The following TPX2 variants were observed in gnomAD, a reference collection of about 807,000 sequenced individuals.
The protein encoded by TPX2 is targeting protein for Xklp2.
TPX2 carries 21 observed loss-of-function variants against 93.6 expected under a neutral mutation model. That is an observed-to-expected ratio of 0.22 (90% CI 0.16 to 0.32). The LOEUF (loss-of-function observed/expected upper bound fraction) is 0.32, where lower values mean the gene tolerates loss of function less well. Among genes scored for constraint, TPX2 ranks in the 10% least tolerant of loss-of-function variants. TPX2 has a pLI of 1.00. For missense variants in TPX2, 776 were observed against 871.1 expected (o/e 0.89, Z 1.37); for synonymous variants, 281 against 298.3 (o/e 0.94, Z 0.60).
At chr20:31,750,412 C>A (rs1332598134) in intron 2 of TPX2, among the ~76,000 whole-genome samples, 4 of 152,148 alleles carry the variant, frequency 2.6e-5, no homozygotes, top group Admixed American at 2.6e-4. Context: ...CCTTGGCCTC[C>A]CAAAGTGCTG....
At chr20:31,791,596 AG>A (rs2062101904) in intron 12 of TPX2, among the ~76,000 whole-genome samples, 1 of 152,206 alleles carries the variant, frequency 6.6e-6, no homozygotes, top group South Asian at 2.1e-4. Flanking sequence ...AAGAATTTTA[AG>A]TCAGGAAGTA....
At chr20:31,782,188 C>G (rs1331944191) in intron 10 of TPX2, 61 bp from the exon 11 acceptor site, 9 of 1,550,288 alleles carry the variant, frequency 5.8e-6, no homozygotes, top group East Asian at 2.3e-5. Context: ...AGGTGAATCA[C>G]CACTTACAAG....
At chr20:31,760,754 A>G (rs1415929193) in intron 4 of TPX2, among the ~76,000 whole-genome samples, 1 of 152,246 alleles carries the variant, frequency 6.6e-6, no homozygotes, top group African/African-American at 2.4e-5. Flanking sequence ...GAAATAAAAC[A>G]GCAAGAAAGA....
chr20:31,759,864 T>C (rs1248641089), intron 3 of TPX2, among the ~76,000 whole-genome samples, 193 bp from the exon 4 acceptor site: 1 of 152,024 alleles, frequency 6.6e-6, no homozygotes, highest in Admixed American at 6.6e-5. Context: ...TGCCAGTTTT[T>C]AGTGATTGTT....
intron 7 of TPX2, among the ~76,000 whole-genome samples, chr20:31,773,566 A>C (rs1044703334): frequency 6.6e-6 from 1 of 152,182 alleles, no homozygotes; most frequent in African/African-American, 2.4e-5. Flanking sequence ...TGCTGGGTAT[A>C]GGTGTGAGCC....
intron 12 of TPX2, among the ~76,000 whole-genome samples, chr20:31,789,279 A>G (rs2062085875): frequency 6.6e-6 from 1 of 151,832 alleles, no homozygotes; most frequent in Non-Finnish European, 1.5e-5. Flanking sequence ...TATATTATTC[A>G]CTCTGTATCC....
chr20:31,799,950 A>T (rs2062160173), intron 17 of TPX2, among the ~76,000 whole-genome samples: 1 of 151,762 alleles, frequency 6.6e-6, no homozygotes, highest in Admixed American at 6.6e-5. Context: ...GTTTTGTCTA[A>T]AAGTGCTATA....
intron 2 of TPX2, among the ~76,000 whole-genome samples, chr20:31,749,094 C>T (rs2061802236): frequency 6.6e-6 from 1 of 151,980 alleles, no homozygotes; most frequent in Admixed American, 6.6e-5. Flanking sequence ...TACAGGCATC[C>T]ACCACCACGC....
intron 5 of TPX2, among the ~76,000 whole-genome samples, chr20:31,767,957 G>C (rs1261544570): frequency 3.6e-5 from 5 of 139,430 alleles, no homozygotes; most frequent in African/African-American, 1.3e-4. Context: ...TTTGAGAGAG[G>C]GTCTTGCTCT....
chr20:31,776,105 G>T (rs1174410504), intron 8 of TPX2, 117 bp downstream of exon 8: 4 of 951,868 alleles, frequency 4.2e-6, no homozygotes, highest in South Asian at 7.9e-5. Context: ...ACGGAGTCTC[G>T]CTCTGTCGCC....
At chr20:31,766,909 C>T (rs1321863722) in intron 5 of TPX2, among the ~76,000 whole-genome samples, 2 of 147,234 alleles carry the variant, frequency 1.4e-5, no homozygotes, top group Admixed American at 1.4e-4. Flanking sequence ...TCAAGCAATT[C>T]TCCTGCCTCA....
chr20:31,747,417 C>T (rs1028856533), intron 2 of TPX2, among the ~76,000 whole-genome samples: 5 of 152,084 alleles, frequency 3.3e-5, no homozygotes, highest in Admixed American at 1.3e-4. Context: ...TGTGCCCGGC[C>T]GAGATTTTAT....
chr20:31,753,196 C>T (rs2061830208), intron 2 of TPX2, among the ~76,000 whole-genome samples: 1 of 152,172 alleles, frequency 6.6e-6, no homozygotes, highest in Non-Finnish European at 1.5e-5. Context: ...AGCTTAACTT[C>T]ATGAACACCC....
intron 16 of TPX2, among the ~76,000 whole-genome samples, 158 bp downstream of exon 16, chr20:31,797,673 T>C (rs1321741360): frequency 6.6e-6 from 1 of 152,182 alleles, no homozygotes; most frequent in East Asian, 1.9e-4. Context: ...TTTTTGCCTT[T>C]ATTGAACCCA....
intron 17 of TPX2, among the ~76,000 whole-genome samples, chr20:31,798,951 T>C (rs551769338): frequency 3.3e-5 from 5 of 152,342 alleles, no homozygotes; most frequent in African/African-American, 1.2e-4. Context: ...TAGGACTGTT[T>C]TTTATTTATT....
At chr20:31,773,528 G>A (rs986976349) in intron 7 of TPX2, among the ~76,000 whole-genome samples, 25 of 152,140 alleles carry the variant, frequency 1.6e-4, no homozygotes, top group African/African-American at 6.0e-4. Flanking sequence ...CTGACCTCAA[G>A]TGATCTGCCC....
At chr20:31,791,234 A>G (rs578091664) in intron 12 of TPX2, among the ~76,000 whole-genome samples, 32 of 152,304 alleles carry the variant, frequency 2.1e-4, no homozygotes, top group African/African-American at 7.7e-4. Context: ...GTGTTTCACG[A>G]AAAGGAATTT....
intron 2 of TPX2, among the ~76,000 whole-genome samples, chr20:31,750,231 C>T (rs1344555130): frequency 1.3e-5 from 2 of 151,844 alleles, no homozygotes; most frequent in Admixed American, 6.6e-5. Context: ...GATCTTGGCT[C>T]ACTGCAACCT....
At chr20:31,786,409 T>TTTTTTTTTTTTTGTTTTTTG (rs1568602729) in intron 12 of TPX2, among the ~76,000 whole-genome samples, 1 of 146,930 alleles carries the variant, frequency 6.8e-6, no homozygotes, top group African/African-American at 2.6e-5. Flanking sequence ...TGTTTTTTTT[T>TTTTTTTTTTTTTGTTTTTTG]TTTTTTGAGA....
Sources: allele counts gnomAD v4.1 joint callset (sites outside exome capture counted in the v4.1 genomes callset), GRCh38; gene constraint gnomAD v4.1.1; transcripts MANE v1.5; gene names NCBI Gene and HGNC (gene_info 2026-07-23, HGNC 2026-07-21).